PTPRD: variants seen among roughly 807,000 people sequenced by gnomAD.
PTPRD encodes the protein receptor-type tyrosine-protein phosphatase delta.
PTPRD carries 34 observed loss-of-function variants against 214.5 expected under a neutral mutation model. The ratio of observed to expected loss-of-function variants is 0.16; its 90% CI spans 0.12 to 0.21. PTPRD has a LOEUF of 0.21. Among genes scored for constraint, PTPRD ranks in the 10% least tolerant of loss-of-function variants. The pLI is 1.00. For missense variants in PTPRD, 2,545 were observed against 2,398.7 expected (o/e 1.06, Z -1.27); for synonymous variants, 1,128 against 845.7 (o/e 1.33, Z -5.79).
At chr9:9,861,365 A>G (rs557331992) in intron 5 of PTPRD, among the ~76,000 whole-genome samples, 1 of 152,186 alleles carries the variant, frequency 6.6e-6, no homozygotes, top group South Asian at 2.1e-4. Flanking sequence ...ATCTCGGCTC[A>G]CTGCAACCTC....
chr9:8,627,733 C>T (rs1391394105), intron 14 of PTPRD, among the ~76,000 whole-genome samples: 1 of 151,672 alleles, frequency 6.6e-6, no homozygotes, highest in Non-Finnish European at 1.5e-5. Flanking sequence ...ACACTTTCTC[C>T]CCCAGATTTT....
At chr9:8,779,200 G>A (rs138027177) in intron 11 of PTPRD, among the ~76,000 whole-genome samples, 160 of 152,188 alleles carry the variant, frequency 1.1e-3, no homozygotes, top group Non-Finnish European at 5.4e-4. Flanking sequence ...GAGAGCGAGC[G>A]AATAATATAA....
Position 8,315,906 on chromosome 9 carries a change from A to G in PTPRD, c.*1968T>C. The G allele has an allele frequency of 4.4e-6, 1 of 225,276 alleles. No individual in the cohort carries two copies. The highest frequency in any genetic ancestry group is 8.8e-6 in the Non-Finnish European group (1 of 113,476). The allele number at this position is 225,276 out of a possible 1,614,324, so 14.0% of individuals were successfully genotyped here. Reference sequence around the variant, plus strand: ...TATGCCATCATCCATGGCTTCCTATAGAAATTCTGTTGGAAGAATTGGGGG... The same window carrying G: ...TATGCCATCATCCATGGCTTCCTATGGAAATTCTGTTGGAAGAATTGGGGG... On this transcript the variant is annotated 3_prime_UTR_variant, in exon 46 of 46. Coordinates refer to ENST00000381196, the MANE Select transcript of PTPRD (RefSeq NM_002839.4).
chr9:10,128,701 G>A (rs10958899), intron 3 of PTPRD, among the ~76,000 whole-genome samples: 26,550 of 151,984 alleles, frequency 0.17, 2,554 homozygotes, highest in South Asian at 0.27. Flanking sequence ...TTCTCTCTGC[G>A]ATACCGTCTT....
At chr9:10,088,765 T>C (rs2098391321) in intron 3 of PTPRD, among the ~76,000 whole-genome samples, 1 of 151,696 alleles carries the variant, frequency 6.6e-6, no homozygotes, top group Non-Finnish European at 1.5e-5. Flanking sequence ...TGGTGTAATA[T>C]ACATAAGCTG....
At chr9:8,688,260 G>C (rs778756698) in intron 12 of PTPRD, among the ~76,000 whole-genome samples, 2 of 152,048 alleles carry the variant, frequency 1.3e-5, no homozygotes, top group East Asian at 1.9e-4. Flanking sequence ...GAGTTATCCA[G>C]ATGTGGTTCA....
chr9:8,993,783 T>C lies in PTPRD; in HGVS notation c.-104+24914A>G, dbSNP rs573751948. Among the ~76,000 whole-genome samples the C allele has an allele frequency of 1.0e-3, 158 of 152,242 alleles. 1 individual carries two copies. The highest frequency in any genetic ancestry group is 3.6e-3 in the Admixed American group (55 of 15,276). Reference sequence around the variant, plus strand: ...ACTTTTCAGCAAAGAAATTTTTCTTTCTTTATGAAATGTTTATTAAGCACC... The same window carrying C: ...ACTTTTCAGCAAAGAAATTTTTCTTCCTTTATGAAATGTTTATTAAGCACC... On this transcript the variant is annotated intron_variant, in intron 11 of 45. Coordinates refer to ENST00000381196, the MANE Select transcript of PTPRD (RefSeq NM_002839.4).
chr9:8,538,354 A>G (rs534800154), intron 14 of PTPRD, among the ~76,000 whole-genome samples: 1 of 152,086 alleles, frequency 6.6e-6, no homozygotes, highest in South Asian at 2.1e-4. Flanking sequence ...CAAAAATAGT[A>G]AACAAGGAAA....
At chr9:8,715,007 C>A (rs2098416083) in intron 12 of PTPRD, among the ~76,000 whole-genome samples, 1 of 151,390 alleles carries the variant, frequency 6.6e-6, no homozygotes, top group Non-Finnish European at 1.5e-5. Flanking sequence ...AAAAGAATAT[C>A]TCTGAAATGA....
intron 7 of PTPRD, among the ~76,000 whole-genome samples, chr9:9,664,960 A>G (rs2096688794): frequency 6.6e-6 from 1 of 151,746 alleles, no homozygotes; most frequent in Non-Finnish European, 1.5e-5. Context: ...TATTTCATTG[A>G]ATGAAAACTT....
At chr9:8,802,430 C>T (rs78825829) in intron 11 of PTPRD, among the ~76,000 whole-genome samples, 3,399 of 152,224 alleles carry the variant, frequency 0.022, 101 homozygotes, top group African/African-American at 0.058. Flanking sequence ...CATTCACAAT[C>T]GCCTTCCTTA....
chr9:8,592,576 T>C (rs995216226), intron 14 of PTPRD, among the ~76,000 whole-genome samples: 8 of 152,110 alleles, frequency 5.3e-5, no homozygotes, highest in Non-Finnish European at 1.2e-4. Flanking sequence ...ATACTGACTG[T>C]CCTGATTCTA....
intron 11 of PTPRD, among the ~76,000 whole-genome samples, chr9:8,930,535 A>G (rs1253559971): frequency 1.3e-5 from 2 of 152,110 alleles, no homozygotes; most frequent in Non-Finnish European, 2.9e-5. Context: ...AGGAATCGCC[A>G]CACTGTCTTC....
chr9:8,497,353 T>C (rs2097299506), intron 25 of PTPRD, 85 bp from the exon 26 acceptor site: 6 of 1,179,922 alleles, frequency 5.1e-6, no homozygotes, highest in Non-Finnish European at 7.0e-6. Context: ...TTGCCCTTGT[T>C]AGATTAAAAA....
chr9:9,331,981 T>C (rs747247315), intron 9 of PTPRD, among the ~76,000 whole-genome samples: 1 of 152,042 alleles, frequency 6.6e-6, no homozygotes, highest in Non-Finnish European at 1.5e-5. Flanking sequence ...CACCTCTTTT[T>C]CTCTATCAAT....
At chr9:10,488,141 G>C (rs1159765035) in intron 2 of PTPRD, among the ~76,000 whole-genome samples, 1 of 151,916 alleles carries the variant, frequency 6.6e-6, no homozygotes, top group East Asian at 1.9e-4. Context: ...CCCGAGCCGG[G>C]TGGATCACAA....
intron 11 of PTPRD, among the ~76,000 whole-genome samples, chr9:8,786,962 T>C (rs1050922780): frequency 1.3e-5 from 2 of 151,570 alleles, no homozygotes; most frequent in Non-Finnish European, 2.9e-5. Context: ...TGCAGTGTAG[T>C]GGCAGCTGGG....
At chr9:9,727,114 T>C (rs557485889) in intron 7 of PTPRD, among the ~76,000 whole-genome samples, 3 of 152,168 alleles carry the variant, frequency 2.0e-5, no homozygotes, top group Non-Finnish European at 2.9e-5. Flanking sequence ...GTTCTTTCAA[T>C]GTATTAGCAA....
intron 5 of PTPRD, among the ~76,000 whole-genome samples, chr9:9,896,904 A>C (rs1421252213): frequency 6.6e-6 from 1 of 152,112 alleles, no homozygotes; most frequent in Non-Finnish European, 1.5e-5. Flanking sequence ...CAATAATAAA[A>C]ATTGATGAGT....
Sources: gnomAD v4.1 joint callset for allele counts (sites outside exome capture counted in the v4.1 genomes callset) on GRCh38, gnomAD v4.1.1 for gene constraint, MANE v1.5 for transcripts, NCBI Gene and HGNC (gene_info 2026-07-23, HGNC 2026-07-21) for gene names.